Variants in CACNA1G observed in about 807,000 individuals in gnomAD.
CACNA1G encodes voltage-dependent T-type calcium channel subunit alpha-1G.
A neutral mutation model predicts 219.4 loss-of-function variants in CACNA1G; 67 were observed. The observed-to-expected ratio is 0.31, with a 90% CI of 0.25 to 0.37. CACNA1G has a LOEUF of 0.37. CACNA1G is among the 10% of genes least tolerant of loss of function. The pLI is 1.00. For synonymous variants in CACNA1G, 1,296 were observed against 1,345.3 expected, an observed-to-expected ratio of 0.96 and a Z score of 0.80; for missense variants, 2,380 against 3,231.4, an observed-to-expected ratio of 0.74 and a Z score of 6.39.
At position 50,575,469 on chromosome 17, in the gene CACNA1G, C is replaced by T. The variant is rs960763193; in HGVS notation, c.1141-74C>T. ...CGTGGCGCTTGGCTCATAGGAATGC[C>T]TCCGTATGTGGTGGCTGGCATTGTG... On this transcript the variant is annotated intron_variant, in intron 7 of 37. Coordinates refer to ENST00000359106, the MANE Select transcript of CACNA1G (RefSeq NM_018896.5). 5.1e-4 allele frequency: 731 copies of T among 1,437,704 alleles called. 2 individuals are homozygous for T. Among genetic ancestry groups the T allele is most frequent in the Non-Finnish European group, 6.6e-4 (702 of 1,065,348 alleles). The allele number at this position is 1,437,704 out of a possible 1,614,324, so 89.1% of individuals were successfully genotyped here.
At position 50,607,982 on chromosome 17, in the gene CACNA1G, G is replaced by C. The variant is rs752924770; in HGVS notation, c.4668G>C (p.Glu1556Asp). Residue 1556 changes from glutamate to aspartate, a missense_variant, in exon 25 of 38, where the codon GAG becomes GAC. Physicochemically the swap from Glu to Asp is conservative, Grantham distance 45. This residue lies in a region of CACNA1G where 58 missense variants were observed against 71.3 expected (regional missense o/e 0.81). Coordinates refer to ENST00000359106, the MANE Select transcript of CACNA1G (RefSeq NM_018896.5). ...HQEEEEARRR[E>D]EKRLRRLEKK... The stretch of plus-strand genomic sequence containing the variant: ...AGGAAGAGGAGGCCCGGCGGCGGGA[G>C]GAGAAGCGCCTACGAAGACTGGAGA... 6.2e-7 allele frequency: 1 copy of C among 1,613,196 alleles called. No homozygotes were observed. The highest frequency in any genetic ancestry group is 1.3e-5 in the African/African-American group (1 of 75,068).
At chr17:50,587,135 G>T (rs1014116716) in intron 9 of CACNA1G, among the ~76,000 whole-genome samples, 1 of 152,188 alleles carries the variant, frequency 6.6e-6, no homozygotes, top group African/African-American at 2.4e-5. Flanking sequence ...TGCTCTCTGT[G>T]TGAGCTCTGT....
intron 1 of CACNA1G, among the ~76,000 whole-genome samples, chr17:50,568,290 G>A (rs988684374): frequency 6.6e-6 from 1 of 152,096 alleles, no homozygotes; most frequent in South Asian, 2.1e-4. Context: ...CTGCCTTCTC[G>A]GGTGACCTTC....
intron 26 of CACNA1G, among the ~76,000 whole-genome samples, chr17:50,612,781 C>A (rs1322320389): frequency 3.3e-5 from 5 of 152,220 alleles, no homozygotes; most frequent in African/African-American, 9.7e-5. Context: ...ATATGCCCTT[C>A]CCCCCACTGT....
rs747407898 is a variant in CACNA1G at position 50,627,431 on chromosome 17, C to CTA, written c.*682_*683dup. 1.4e-3 allele frequency: 462 copies of CTA among 328,020 alleles called. 7 individuals are homozygous for CTA. The highest frequency in any genetic ancestry group is 9.8e-3 in the African/African-American group (448 of 45,664). The allele number at this position is 328,020 out of a possible 1,614,324, so 20.3% of individuals were successfully genotyped here. ...TATACATACATACATATCTATCTAT[C>CTA]TATCTATATATATATAAAATAAAGT... On this transcript the variant is annotated 3_prime_UTR_variant, in exon 38 of 38. Transcript: ENST00000359106.
rs1300664165 is a variant in CACNA1G, at chr17:50,600,403, G to T, written c.3691-323G>T. Reference sequence around the variant, plus strand: ...GGGCCAGTGTTTGATAACTGATGCTGCTTCCCAGCTCAGCAGGGAGGACAG... The same window carrying T: ...GGGCCAGTGTTTGATAACTGATGCTTCTTCCCAGCTCAGCAGGGAGGACAG... On this transcript the variant is annotated intron_variant, in intron 17 of 37. Coordinates refer to ENST00000359106, the MANE Select transcript of CACNA1G (RefSeq NM_018896.5). The surrounding 1 kb of genome is among the most constrained non-coding windows in gnomAD (Gnocchi z 4.1). 6.6e-6 allele frequency among the ~76,000 whole-genome samples: 1 copy of T among 152,064 alleles called. No individual in the cohort carries two copies. The highest frequency in any genetic ancestry group is 1.5e-5 in the Non-Finnish European group (1 of 68,014).
chr17:50,589,912 CTGTGTGTGTGTGTGTG>C (rs58484176), intron 9 of CACNA1G, among the ~76,000 whole-genome samples: 275 of 141,924 alleles, frequency 1.9e-3, no homozygotes, highest in Non-Finnish European at 3.0e-3. Flanking sequence ...CTCTCTCTCT[CTGTGTGTGTGTGTGTG>C]TGTGTGTGTG....
intron 25 of CACNA1G, 99 bp from the exon 26 acceptor site, chr17:50,609,783 G>A: frequency 2.0e-6 from 2 of 1,014,686 alleles, no homozygotes; most frequent in East Asian, 2.6e-5. Context: ...CCCACCCATA[G>A]GCAGAGTGAG....
chr17:50,582,584 T>C (rs184856855), intron 9 of CACNA1G, among the ~76,000 whole-genome samples: 57 of 152,196 alleles, frequency 3.7e-4, no homozygotes, highest in African/African-American at 1.3e-3. Flanking sequence ...GAAAAGAAGT[T>C]GCCTTCTCTT....
Position 50,626,727 on chromosome 17 carries a change from T to C in CACNA1G, c.7110T>C (p.Ser2370=). The C allele has an allele frequency of 1.9e-6, 3 of 1,613,278 alleles. No homozygotes were observed. Among genetic ancestry groups the C allele is most frequent in the Non-Finnish European group, 2.5e-6 (3 of 1,179,888 alleles). Residue 2370 remains serine (S), a synonymous_variant, in exon 38 of 38, where the codon TCT becomes TCC. Coordinates refer to ENST00000359106, the MANE Select transcript of CACNA1G (RefSeq NM_018896.5). The surrounding 1 kb of genome is among the most constrained non-coding windows in gnomAD (Gnocchi z 4.3). The part of the protein sequence containing the change: ...KDVLSLSGLS[S]DPADLDP ...TGCTGAGTCTCTCCGGTTTATCCTCTGACCCAGCAGACCTGGACCCCTGAG... is the reference window on the plus strand; with the variant it reads ...TGCTGAGTCTCTCCGGTTTATCCTCCGACCCAGCAGACCTGGACCCCTGAG...
In CACNA1G at chr17:50,599,832, G is replaced by C; in HGVS notation, c.3663G>C (p.Gly1221=). ...GGCCTGATGACCCCCCACTGGATGGGGATGACGCCGATGACGAGGGCAACC... is the reference window on the plus strand; with the variant it reads ...GGCCTGATGACCCCCCACTGGATGGCGATGACGCCGATGACGAGGGCAACC... ...ALRPDDPPLD[G]DDADDEGNLS... The change falls in exon 17 of 38, where the codon GGG becomes GGC. Residue 1221 remains glycine (G), a synonymous_variant. Coordinates refer to ENST00000359106, the MANE Select transcript of CACNA1G (RefSeq NM_018896.5). The C allele has an allele frequency of 6.2e-7, 1 of 1,609,660 alleles. No homozygotes were observed. The highest frequency in any genetic ancestry group is 8.5e-7 in the Non-Finnish European group (1 of 1,179,552).
At chr17:50,564,125 A>AGTGTGTGTGT (rs67152102) in intron 1 of CACNA1G, among the ~76,000 whole-genome samples, 3,217 of 138,656 alleles carry the variant, frequency 0.023, 72 homozygotes, top group African/African-American at 0.05. Context: ...CCAGGTAGGA[A>AGTGTGTGTGT]GTGTGTGTGT....
At chr17:50,580,137 G>A (rs1242684155) in intron 9 of CACNA1G, among the ~76,000 whole-genome samples, 1 of 152,158 alleles carries the variant, frequency 6.6e-6, no homozygotes, top group Non-Finnish European at 1.5e-5. Context: ...TGCAGTGCCA[G>A]CGGGTGGGCG....
At chr17:50,586,671 G>C (rs899064280) in intron 9 of CACNA1G, among the ~76,000 whole-genome samples, 1 of 152,232 alleles carries the variant, frequency 6.6e-6, no homozygotes, top group African/African-American at 2.4e-5. Flanking sequence ...CTGTTTAACA[G>C]AAGAGGCCAC....
In CACNA1G at chr17:50,591,629, G is replaced by C; in HGVS notation, c.2639+9G>C. ...TTCATCTTCATCTTCAGGTGAGGGC[G>C]GCATGGCACCTTGCCGGCTGAGAGA... On this transcript the variant is annotated intron_variant, in intron 11 of 37. Transcript: ENST00000359106. 1 of 1,612,198 alleles carries C rather than the reference G, an allele frequency of 6.2e-7. No homozygotes were observed. The highest frequency in any genetic ancestry group is 1.7e-5 in the Admixed American group (1 of 59,852).
Position 50,618,700 on chromosome 17 carries a change from G to A in CACNA1G, c.5473G>A (p.Val1825Ile). The change falls in exon 33 of 38, where the codon GTC (valine) becomes ATC (isoleucine). Residue 1825 changes from valine to isoleucine, a missense_variant. By Grantham distance (29) the Val-to-Ile change is conservative. Transcript: ENST00000359106. This position sits in a 1 kb window ranked among gnomAD's most constrained non-coding sequence, Gnocchi z 5.3. ...CCAGGAGTCCACCTGCTACAACACGGTCATCTCGCCTATCTACTTTGTGTC... is the reference window on the plus strand; with the variant it reads ...CCAGGAGTCCACCTGCTACAACACGATCATCTCGCCTATCTACTTTGTGTC... ...CDQESTCYNT[V>I]ISPIYFVSFV... 6.2e-7 allele frequency: 1 copy of A among 1,613,928 alleles called. No homozygotes were observed. The highest frequency in any genetic ancestry group is 8.5e-7 in the Non-Finnish European group (1 of 1,179,864).
intron 35 of CACNA1G, among the ~76,000 whole-genome samples, chr17:50,622,995 A>G (rs2052535603): frequency 6.6e-6 from 1 of 151,838 alleles, no homozygotes; most frequent in Admixed American, 6.6e-5. Flanking sequence ...TGCAACCTGC[A>G]AGCTCTCCTG....
intron 7 of CACNA1G, chr17:50,573,545 T>G (rs1185889556): frequency 1.3e-5 from 2 of 157,602 alleles, no homozygotes; most frequent in Non-Finnish European, 2.8e-5. Flanking sequence ...AGTGGTTTTT[T>G]AAGCATGTTT....
At chr17:50,564,163 T>TGTGTGTGTGTGTGTG (rs1249645068) in intron 1 of CACNA1G, among the ~76,000 whole-genome samples, 50 of 141,614 alleles carry the variant, frequency 3.5e-4, no homozygotes, top group African/African-American at 5.1e-4. Context: ...TGTGTGTGTG[T>TGTGTGTGTGTGTGTG]TGCAAGGGAG....
Sources: allele counts gnomAD v4.1 joint callset (sites outside exome capture counted in the v4.1 genomes callset), GRCh38; gene constraint gnomAD v4.1.1; regional missense constraint gnomAD v4.1.1; non-coding constraint Gnocchi (gnomAD v3.1); transcripts MANE v1.5; gene names NCBI Gene and HGNC (gene_info 2026-07-23, HGNC 2026-07-21).